CEACAM19: variants seen among roughly 807,000 people sequenced by gnomAD.
The protein encoded by CEACAM19 is CEA cell adhesion molecule 19.
Under a neutral mutation model 37.6 loss-of-function variants are expected in CEACAM19, and 37 were observed. That is an observed-to-expected ratio of 0.98 (90% CI 0.76 to 1.29). The LOEUF is 1.29. Ranked by LOEUF, CEACAM19 falls within the 50% of genes most tolerant of loss-of-function variation. The probability of loss-of-function intolerance (pLI) is 0.00; values close to 1 mark genes in which losing one functional copy is unlikely to be tolerated. For missense variants in CEACAM19, 340 were observed against 375.6 expected (o/e 0.91, Z 0.78); for synonymous variants, 140 against 149.8 (o/e 0.93, Z 0.48).
At chr19:44,675,097 C>CGTGT (rs59147604) in intron 2 of CEACAM19, among the ~76,000 whole-genome samples, 14,375 of 143,750 alleles carry the variant, frequency 0.1, 749 homozygotes, top group African/African-American at 0.14. Flanking sequence ...CAGAGAACAG[C>CGTGT]GTGTGTGTGT....
chr19:44,668,137 A>ATATATTATATATATTTATATGC (rs1973772990), upstream of CEACAM19, among the ~76,000 whole-genome samples: 1 of 87,510 alleles, frequency 1.1e-5, no homozygotes, highest in South Asian at 3.6e-4. Flanking sequence ...TTTTTATATA[A>ATATATTATATATATTTATATGC]TATATTATAT....
At chr19:44,681,448 A>T (rs1397706091) in intron 6 of CEACAM19, 136 bp downstream of exon 6, 2 of 581,796 alleles carry the variant, frequency 3.4e-6, no homozygotes, top group East Asian at 6.1e-5. Flanking sequence ...CCCTGTTTTT[A>T]AAAATCCTAA....
Position 44,678,852 on chromosome 19 carries a change from G to C in CEACAM19, c.576-1G>C, listed in dbSNP as rs1974001340. 1.2e-6 allele frequency: 2 copies of C among 1,613,254 alleles called. No individual in the cohort carries two copies. Among genetic ancestry groups the C allele is most frequent in the Admixed American group, 3.3e-5 (2 of 59,910 alleles). ...TTTCTTCCCCTCTCTTTCCACCCTAGACTGCCTGCTCCGAGGGGCCAGGGA... is the reference window on the plus strand; with the variant it reads ...TTTCTTCCCCTCTCTTTCCACCCTACACTGCCTGCTCCGAGGGGCCAGGGA... On this transcript the variant is annotated splice_acceptor_variant, in intron 3 of 7. Transcript: ENST00000358777. LOFTEE classifies it high-confidence loss of function.
upstream of CEACAM19, among the ~76,000 whole-genome samples, chr19:44,668,324 A>G (rs1219748815): frequency 3.0e-5 from 2 of 66,578 alleles, no homozygotes; most frequent in Non-Finnish European, 4.6e-5. Flanking sequence ...TATTATATTT[A>G]TATAATATGT....
chr19:44,683,054 G>GCCTC (rs1974090756), intron 7 of CEACAM19: 1 of 190,180 alleles, frequency 5.3e-6, no homozygotes, highest in Non-Finnish European at 8.9e-6. Flanking sequence ...CCCTTTCTTG[G>GCCTC]ACTCTCTCTC....
upstream of CEACAM19, among the ~76,000 whole-genome samples, chr19:44,668,220 A>ATATATTATATTTATATAATATG (rs1973775850): frequency 1.2e-5 from 1 of 85,672 alleles, no homozygotes; most frequent in African/African-American, 4.9e-5. Flanking sequence ...TTTATATAAT[A>ATATATTATATTTATATAATATG]TTTATATATT....
chr19:44,667,982 AAATATAG>A (rs1973765650), upstream of CEACAM19, among the ~76,000 whole-genome samples: 2 of 48,342 alleles, frequency 4.1e-5, no homozygotes, highest in Non-Finnish European at 6.8e-5. Context: ...ACTATATTAT[AAATATAG>A]TATATATTTA....
chr19:44,667,872 T>A (rs867291723), upstream of CEACAM19, among the ~76,000 whole-genome samples: 1 of 73,376 alleles, frequency 1.4e-5, no homozygotes, highest in Non-Finnish European at 2.2e-5. Flanking sequence ...TTATATATAA[T>A]ATATAAATAT....
intron 4 of CEACAM19, among the ~76,000 whole-genome samples, chr19:44,679,753 A>C (rs1367758198): frequency 6.6e-6 from 1 of 150,796 alleles, no homozygotes; most frequent in Non-Finnish European, 1.5e-5. Flanking sequence ...TGTCTCAAAA[A>C]AAAAAATTAA....
rs1256021182 is a variant in CEACAM19, at chr19:44,684,063, C to T, written c.*573C>T. On this transcript the variant is annotated 3_prime_UTR_variant, in exon 8 of 8. Transcript: ENST00000358777. ...TTCCCTGTTCAGGCAGGCCCAGCCC[C>T]TCTCAGAACCTGCTGCCAGCTGCTG... The T allele has an allele frequency of 6.6e-6, 1 of 152,582 alleles. No homozygotes were observed. Among genetic ancestry groups the T allele is most frequent in the African/African-American group, 2.4e-5 (1 of 41,464 alleles). The allele number at this position is 152,582 out of a possible 1,614,324, so 9.5% of individuals were successfully genotyped here.
upstream of CEACAM19, among the ~76,000 whole-genome samples, chr19:44,670,006 A>C (rs981464868): frequency 6.6e-6 from 1 of 152,184 alleles, no homozygotes; most frequent in African/African-American, 2.4e-5. Flanking sequence ...TGTGTGCTGG[A>C]ATGAATGGAG....
chr19:44,668,198 AT>A (rs1243831543), upstream of CEACAM19, among the ~76,000 whole-genome samples: 4 of 81,302 alleles, frequency 4.9e-5, no homozygotes, highest in South Asian at 3.9e-4. Context: ...TATTTTATAT[AT>A]TATATATATA....
intron 7 of CEACAM19, 34 bp from the exon 8 acceptor site, chr19:44,683,403 A>G: frequency 1.9e-6 from 2 of 1,039,236 alleles, no homozygotes; most frequent in Non-Finnish European, 2.8e-6. Context: ...CCCTCCACCC[A>G]GTCATAATTC....
chr19:44,666,191 A>T (rs1471010706), intron 1 of CEACAM19: 2 of 152,178 alleles, frequency 1.3e-5, no homozygotes, highest in Non-Finnish European at 2.9e-5. Flanking sequence ...TGAAAGGGAG[A>T]GGAAGAAAGA....
upstream of CEACAM19, among the ~76,000 whole-genome samples, chr19:44,668,412 T>TAA (rs1973784295): frequency 1.7e-5 from 1 of 58,532 alleles, no homozygotes; most frequent in African/African-American, 7.7e-5. Flanking sequence ...TGTTTATATA[T>TAA]TATATATATA....
At chr19:44,679,939 A>C (rs549416482) in intron 4 of CEACAM19, among the ~76,000 whole-genome samples, 9 of 152,262 alleles carry the variant, frequency 5.9e-5, no homozygotes, top group Non-Finnish European at 7.4e-5. Flanking sequence ...CAAAAAATTA[A>C]AAAATAAAAA....
At position 44,672,540 on chromosome 19, in the gene CEACAM19, T is replaced by G. The variant is rs144908619; in HGVS notation, c.56-56T>G. ...GAAGATCTGTATCTAGAGAGGAGCA[T>G]GCCATGGTCCCTGGCAACACCCCTG... is the stretch of plus-strand genomic sequence containing the variant. On this transcript the variant is annotated intron_variant, in intron 1 of 7. Coordinates refer to ENST00000358777, the MANE Select transcript of CEACAM19 (RefSeq NM_001127893.3). 3.5e-4 allele frequency: 493 copies of G among 1,428,658 alleles called. 2 individuals carry two copies. In the African/African-American group the frequency reaches 6.2e-3, roughly 18 times the overall value. 88.5% of individuals were successfully genotyped at this position (1,428,658 alleles called of 1,614,324 possible). A position where few individuals can be genotyped will look rare whatever the true frequency, so the allele number is the denominator to read the frequency against.
rs369056383 is a variant in CEACAM19, at chr19:44,682,534, G to A, written c.793-33G>A. Reference sequence around the variant, plus strand: ...CAAAGTTTAGAGGGTGGGGGGTGCCGAGCGCCCACTCACCCGTGTCCTTCC... The same window carrying A: ...CAAAGTTTAGAGGGTGGGGGGTGCCAAGCGCCCACTCACCCGTGTCCTTCC... On this transcript the variant is annotated intron_variant, in intron 6 of 7. Transcript: ENST00000358777. 1.8e-4 allele frequency: 282 copies of A among 1,569,296 alleles called. No homozygotes were observed. In the Admixed American group the frequency reaches 2.5e-3, roughly 14 times the overall value.
upstream of CEACAM19, among the ~76,000 whole-genome samples, chr19:44,670,286 A>G (rs1973831919): frequency 6.6e-6 from 1 of 151,532 alleles, no homozygotes; most frequent in African/African-American, 2.4e-5. Flanking sequence ...TCATGCAACT[A>G]TACTCCAGCC....
Sources: gnomAD v4.1 joint callset for allele counts (sites outside exome capture counted in the v4.1 genomes callset) on GRCh38, gnomAD v4.1.1 for gene constraint, MANE v1.5 for transcripts, NCBI Gene and HGNC (gene_info 2026-07-23, HGNC 2026-07-21) for gene names.